Variants in AMDHD2 observed in about 807,000 individuals in gnomAD.
AMDHD2 encodes N-acetylglucosamine-6-phosphate deacetylase.
A neutral mutation model predicts 41.8 loss-of-function variants in AMDHD2; 24 were observed. The observed-to-expected ratio is 0.57, with a 90% CI of 0.42 to 0.81. The LOEUF (loss-of-function observed/expected upper bound fraction) is 0.81. Among genes scored for constraint, AMDHD2 ranks in the 30% least tolerant of loss-of-function variants. The pLI, the probability that AMDHD2 is intolerant of heterozygous loss-of-function variation, is 0.00. For missense variants in AMDHD2, 540 were observed against 588.5 expected, an observed-to-expected ratio of 0.92 and a Z score of 0.85; for synonymous variants, 332 against 255.5, an observed-to-expected ratio of 1.30 and a Z score of -2.85.
Position 2,531,203 on chromosome 16 carries a change from C to T in AMDHD2, c.*1640C>T. ...CCATTCACCGGCCAGCGCCCCACCTCCCTGGCTGGAGGGTCGGGGAGGGGC... is the reference window on the plus strand; with the variant it reads ...CCATTCACCGGCCAGCGCCCCACCTTCCTGGCTGGAGGGTCGGGGAGGGGC... On this transcript the variant is annotated 3_prime_UTR_variant, in exon 11 of 11. Coordinates refer to ENST00000293971, the MANE Select transcript of AMDHD2 (RefSeq NM_001330449.2). The T allele has an allele frequency of 7.9e-7, 1 of 1,261,292 alleles. No homozygotes were observed. Among genetic ancestry groups the T allele is most frequent in the Non-Finnish European group, 1.1e-6 (1 of 921,498 alleles). The allele number at this position is 1,261,292 out of a possible 1,614,324, so 78.1% of individuals were successfully genotyped here. A position where few individuals can be genotyped will look rare whatever the true frequency, so the allele number is the denominator to read the frequency against.
chr16:2,531,216 G>A lies in AMDHD2; in HGVS notation c.*1653G>A. 9.1e-7 allele frequency: 1 copy of A among 1,101,674 alleles called. No individual in the cohort carries two copies. Among genetic ancestry groups the A allele is most frequent in the Non-Finnish European group, 1.3e-6 (1 of 779,370 alleles). 68.2% of individuals were successfully genotyped at this position (1,101,674 alleles called of 1,614,324 possible). ...AGCGCCCCACCTCCCTGGCTGGAGG[G>A]TCGGGGAGGGGCTGGCAGAGATGGT... On this transcript the variant is annotated 3_prime_UTR_variant, in exon 11 of 11. Transcript: ENST00000293971.
In AMDHD2 at chr16:2,530,510, G is replaced by T. The variant is rs2066075560; in HGVS notation, c.*947G>T. The T allele has an allele frequency of 6.2e-7, 1 of 1,614,162 alleles. No individual in the cohort carries two copies. The highest frequency in any genetic ancestry group is 1.7e-5 in the Admixed American group (1 of 60,028). On this transcript the variant is annotated 3_prime_UTR_variant, in exon 11 of 11. Coordinates refer to ENST00000293971, the MANE Select transcript of AMDHD2 (RefSeq NM_001330449.2). ...ACGTCAGGGATTGGTGCAGCCCCAC[G>T]TCAGGGGTGATTGTCTTGACTTTCT...
chr16:2,527,704 TG>T lies in AMDHD2; in HGVS notation c.416-65del. ...CCCACCCCTCCAGATGCCCAGCTGG[TG>T]GGGAGGGCAGGTGATAAGGGCTGGG... On this transcript the variant is annotated intron_variant, in intron 4 of 10. Coordinates refer to ENST00000293971, the MANE Select transcript of AMDHD2 (RefSeq NM_001330449.2). The surrounding 1 kb of genome is among the most constrained non-coding windows in gnomAD (Gnocchi z 6.1). 1 of 1,553,508 alleles carries T rather than the reference TG, an allele frequency of 6.4e-7. No individual in the cohort carries two copies.
At chr16:2,524,024 C>T (rs183938187) in intron 3 of AMDHD2, among the ~76,000 whole-genome samples, 6 of 152,348 alleles carry the variant, frequency 3.9e-5, no homozygotes, top group Admixed American at 6.5e-5. Flanking sequence ...CCAGCATGCA[C>T]TGCAGTGCAG....
Position 2,521,176 on chromosome 16 carries a change from C to T in AMDHD2, c.360+53C>T, listed in dbSNP as rs552428839. The T allele has an allele frequency of 1.2e-5, 17 of 1,467,738 alleles. No individual in the cohort carries two copies. The Admixed American group carries it at 3.7e-4, about 32-fold the overall frequency. 90.9% of individuals were successfully genotyped at this position (1,467,738 alleles called of 1,614,324 possible). A position where few individuals can be genotyped will look rare whatever the true frequency, so the allele number is the denominator to read the frequency against. ...GAGGGGGCTCCCGGAGCAACCAGCG[C>T]CCTCATTTTCAAACTCACGCCCCAC... On this transcript the variant is annotated intron_variant, in intron 3 of 10. Coordinates refer to ENST00000293971, the MANE Select transcript of AMDHD2 (RefSeq NM_001330449.2).
In AMDHD2 at chr16:2,528,660, G is replaced by T; in HGVS notation, c.981G>T (p.Thr327=). ...GLTAYVAGTK[T]LSGSIAPMDV... is the part of the protein sequence containing the mutation. ...CTCTCTGCTCTCAAGGCACCAAGAC[G>T]CTGAGTGGCAGCATAGCCCCAATGG... The change falls in exon 9 of 11, where the codon ACG becomes ACT. Residue 327 remains threonine, a synonymous_variant. Transcript: ENST00000293971. 1 of 1,612,998 alleles carries T rather than the reference G, an allele frequency of 6.2e-7. No homozygotes were observed. Among genetic ancestry groups the T allele is most frequent in the Non-Finnish European group, 8.5e-7 (1 of 1,179,966 alleles).
intron 9 of AMDHD2, 107 bp from the exon 10 acceptor site, chr16:2,528,887 T>G: frequency 6.8e-7 from 1 of 1,466,930 alleles, no homozygotes. Context: ...AGGGTCCTTG[T>G]TAGCCTGCTG....
chr16:2,527,709 A>G lies in AMDHD2; in HGVS notation c.416-64A>G. The G allele has an allele frequency of 6.4e-7, 1 of 1,551,580 alleles. No homozygotes were observed. Among genetic ancestry groups the G allele is most frequent in the Non-Finnish European group, 8.7e-7 (1 of 1,147,116 alleles). On this transcript the variant is annotated intron_variant, in intron 4 of 10. Coordinates refer to ENST00000293971, the MANE Select transcript of AMDHD2 (RefSeq NM_001330449.2). The surrounding 1 kb of genome is among the most constrained non-coding windows in gnomAD (Gnocchi z 6.1). ...CCCTCCAGATGCCCAGCTGGTGGGG[A>G]GGGCAGGTGATAAGGGCTGGGTGGG...
At chr16:2,525,657 A>G (rs1413261566) in intron 3 of AMDHD2, among the ~76,000 whole-genome samples, 1 of 151,946 alleles carries the variant, frequency 6.6e-6, no homozygotes, top group South Asian at 2.1e-4. Flanking sequence ...CCATTCTCCT[A>G]CCTCAGCCTC....
rs1422741004 is a variant in AMDHD2, at chr16:2,528,164, C to T, written c.717+16C>T. On this transcript the variant is annotated intron_variant, in intron 6 of 10. Coordinates refer to ENST00000293971, the MANE Select transcript of AMDHD2 (RefSeq NM_001330449.2). The stretch of plus-strand genomic sequence containing the variant: ...CATGCTGCCTGTGAGTGCTATGGGG[C>T]CCCAGGGGCGGGGCTGGGGTCCCAG... The T allele has an allele frequency of 1.2e-6, 2 of 1,612,652 alleles. No individual in the cohort carries two copies. Among genetic ancestry groups the T allele is most frequent in the Non-Finnish European group, 1.7e-6 (2 of 1,179,862 alleles).
In AMDHD2 at chr16:2,528,329, A is replaced by G. The variant is rs555509254; in HGVS notation, c.811A>G (p.Thr271Ala). 4.3e-6 allele frequency: 7 copies of G among 1,612,788 alleles called. No individual in the cohort carries two copies. In the African/African-American group the frequency reaches 6.7e-5, roughly 15 times the overall value. Residue 271 changes from threonine to alanine, a missense_variant, in exon 7 of 11, where the codon ACG (threonine) becomes GCG (alanine). Physicochemically the swap from Thr to Ala is moderately conservative, Grantham distance 58. Coordinates refer to ENST00000293971, the MANE Select transcript of AMDHD2 (RefSeq NM_001330449.2). ...CIFYGMIADG[T>A]HTNPAALRIA... ...CTTCTATGGGATGATTGCAGATGGC[A>G]CGCACACCAACCCCGCCGCCCTGCG...
At position 2,528,132 on chromosome 16, in the gene AMDHD2, T is replaced by G; in HGVS notation, c.701T>G (p.Phe234Cys). ...WSGATFITHL[F>C]NAMLPFHHRD... Reference sequence around the variant, plus strand: ...GGAGCCACCTTCATCACCCACCTCTTCAACGCCATGCTGCCTGTGAGTGCT... The same window carrying G: ...GGAGCCACCTTCATCACCCACCTCTGCAACGCCATGCTGCCTGTGAGTGCT... The change falls in exon 6 of 11, where the codon TTC becomes TGC. Residue 234 changes from phenylalanine (F) to cysteine (C), a missense_variant. Transcript: ENST00000293971. 6.2e-7 allele frequency: 1 copy of G among 1,613,046 alleles called. No homozygotes were observed. The highest frequency in any genetic ancestry group is 8.5e-7 in the Non-Finnish European group (1 of 1,179,858).
Position 2,529,683 on chromosome 16 carries a change from T to C in AMDHD2, c.*120T>C. 1.3e-6 allele frequency: 2 copies of C among 1,522,120 alleles called. No homozygotes were observed. The highest frequency in any genetic ancestry group is 1.8e-6 in the Non-Finnish European group (2 of 1,137,214). 94.3% of individuals were successfully genotyped at this position (1,522,120 alleles called of 1,614,324 possible). ...CTGCTGGATTGATGCCCAGGGCCTGTGCGGCCGCCCTGGAGGCGGTGGCTG... is the reference window on the plus strand; with the variant it reads ...CTGCTGGATTGATGCCCAGGGCCTGCGCGGCCGCCCTGGAGGCGGTGGCTG... On this transcript the variant is annotated 3_prime_UTR_variant, in exon 11 of 11. Coordinates refer to ENST00000293971, the MANE Select transcript of AMDHD2 (RefSeq NM_001330449.2).
chr16:2,521,498 C>T (rs1006576244), intron 3 of AMDHD2, among the ~76,000 whole-genome samples: 2 of 152,198 alleles, frequency 1.3e-5, no homozygotes, highest in Non-Finnish European at 2.9e-5. Flanking sequence ...CAGGCTCTTC[C>T]TCCCTAACCT....
Position 2,520,450 on chromosome 16 carries a change from C to T in AMDHD2, c.-9C>T. 1.6e-6 allele frequency: 2 copies of T among 1,233,346 alleles called. No individual in the cohort carries two copies. Among genetic ancestry groups the T allele is most frequent in the Non-Finnish European group, 2.0e-6 (2 of 981,872 alleles). The allele number at this position is 1,233,346 out of a possible 1,614,324, so 76.4% of individuals were successfully genotyped here. A position where few individuals can be genotyped will look rare whatever the true frequency, so the allele number is the denominator to read the frequency against. On this transcript the variant is annotated 5_prime_UTR_variant, in exon 1 of 11. In the 5' UTR this introduces an upstream ATG that the reference lacks. Coordinates refer to ENST00000293971, the MANE Select transcript of AMDHD2 (RefSeq NM_001330449.2). Reference sequence around the variant, plus strand: ...GCTCCGGAGCCGCTCGCTCCCGACACGGCTCACGATGCGCGGCGAGCAGGG... The same window carrying T: ...GCTCCGGAGCCGCTCGCTCCCGACATGGCTCACGATGCGCGGCGAGCAGGG...
Position 2,529,777 on chromosome 16 carries a change from C to A in AMDHD2, c.*214C>A. 7.0e-7 allele frequency: 1 copy of A among 1,432,880 alleles called. No individual in the cohort carries two copies. The highest frequency in any genetic ancestry group is 1.5e-5 in the South Asian group (1 of 66,976). The allele number at this position is 1,432,880 out of a possible 1,614,324, so 88.8% of individuals were successfully genotyped here. On this transcript the variant is annotated 3_prime_UTR_variant, in exon 11 of 11. Transcript: ENST00000293971. ...TGCTTGTGCTCACATGTGGCACCAT[C>A]CTTGGTTGCCCTCCTGGAGAAGGCA...
chr16:2,526,879 G>A (rs140669332), intron 3 of AMDHD2, among the ~76,000 whole-genome samples: 23 of 152,274 alleles, frequency 1.5e-4, no homozygotes, highest in African/African-American at 4.3e-4. Context: ...GCAGTGAGCC[G>A]AGATCTTGCC....
rs144695052 is a variant in AMDHD2 at position 2,526,260 on chromosome 16, C to T, written c.361-1301C>T. On this transcript the variant is annotated intron_variant, in intron 3 of 10. Transcript: ENST00000293971. ...ATGGGGGTACTCGTAGGTTGGGGTCCCTGGCTCCTTTCTCTTGGGCTGGCT... is the reference window on the plus strand; with the variant it reads ...ATGGGGGTACTCGTAGGTTGGGGTCTCTGGCTCCTTTCTCTTGGGCTGGCT... Among the ~76,000 whole-genome samples, 24 of 152,254 alleles carry T rather than the reference C, an allele frequency of 1.6e-4. No homozygotes were observed. The East Asian group carries it at 4.4e-3, about 28-fold the overall frequency.
intron 9 of AMDHD2, 22 bp from the exon 10 acceptor site, chr16:2,528,972 C>T: frequency 2.6e-6 from 4 of 1,560,484 alleles, no homozygotes; most frequent in Non-Finnish European, 3.5e-6. Context: ...GGGACTGTCA[C>T]CTAGCTGTGT....
Sources: gnomAD v4.1 joint callset for allele counts (sites outside exome capture counted in the v4.1 genomes callset) on GRCh38, gnomAD v4.1.1 for gene constraint, Gnocchi (gnomAD v3.1) non-coding constraint, MANE v1.5 for transcripts, NCBI Gene and HGNC (gene_info 2026-07-23, HGNC 2026-07-21) for gene names.